Variants in ADAMTSL1 observed in about 807,000 individuals in gnomAD.
ADAMTSL1 encodes the protein ADAMTS like 1.
ADAMTSL1 carries 126 observed loss-of-function variants against 201.8 expected under a neutral mutation model. That is an observed-to-expected ratio of 0.62 (90% confidence interval 0.54 to 0.72). ADAMTSL1 has a LOEUF of 0.72. Ranked by LOEUF, ADAMTSL1 falls within the 30% of genes least tolerant of loss-of-function variation. The probability of loss-of-function intolerance (pLI) is 0.00; values close to 1 mark genes in which losing one functional copy is unlikely to be tolerated. For missense variants in ADAMTSL1, 2,679 were observed against 2,277.8 expected (o/e 1.18, Z -3.59); for synonymous variants, 1,121 against 903.4 (o/e 1.24, Z -4.32).
At position 18,108,196 on chromosome 9, in the gene ADAMTSL1, ATT is replaced by A. The variant is rs5896770; in HGVS notation, c.88-55645_88-55644del. 6.6e-3 allele frequency among the ~76,000 whole-genome samples: 833 copies of A among 125,490 alleles called. 6 individuals carry two copies. Among genetic ancestry groups the A allele is most frequent in the African/African-American group, 0.013 (423 of 33,428 alleles). 82.3% of individuals were successfully genotyped at this position (125,490 alleles called of 152,430 possible). ...TAACTCTTAAAAGCAAGAGTGTGGA[ATT>A]TTTTTTTTTTTTTTTTTTTTGAAAC... On this transcript the variant is annotated intron_variant, in intron 1 of 29. Transcript: ENST00000680146.
At position 18,740,478 on chromosome 9, in the gene ADAMTSL1, C is replaced by CTT. The variant is rs11449360; in HGVS notation, c.2007-12804_2007-12803dup. 3.5e-3 allele frequency among the ~76,000 whole-genome samples: 367 copies of CTT among 105,638 alleles called. 9 individuals are homozygous for CTT. The highest frequency in any genetic ancestry group is 4.2e-3 in the African/African-American group (114 of 27,388). 69.3% of individuals were successfully genotyped at this position (105,638 alleles called of 152,430 possible). ...CTTTCTTTTTTTTTTTTTCTTTTAT[C>CTT]TTTTTTTTTTTTTTTTTGAGAGGAG... On this transcript the variant is annotated intron_variant, in intron 15 of 28. Transcript: ENST00000380548.
At chr9:18,291,050 G>C (rs1833239624) in intron 2 of ADAMTSL1, among the ~76,000 whole-genome samples, 1 of 152,036 alleles carries the variant, frequency 6.6e-6, no homozygotes, top group South Asian at 2.1e-4. Flanking sequence ...CAAAGTGCTG[G>C]GATTACAGGC....
intron 23 of ADAMTSL1, among the ~76,000 whole-genome samples, chr9:18,840,623 T>G (rs201455557): frequency 1.3e-5 from 2 of 152,176 alleles, no homozygotes; most frequent in Non-Finnish European, 1.5e-5. Flanking sequence ...AAATTACCTT[T>G]GGCAGTATGG....
chr9:18,813,514 T>A (rs1037330591), intron 20 of ADAMTSL1, among the ~76,000 whole-genome samples: 8 of 152,262 alleles, frequency 5.3e-5, no homozygotes, highest in African/African-American at 1.9e-4. Context: ...CAATGTTTTA[T>A]ACTTTTCAGT....
At chr9:18,640,032 G>T (rs1388496243) in intron 7 of ADAMTSL1, among the ~76,000 whole-genome samples, 1 of 152,140 alleles carries the variant, frequency 6.6e-6, no homozygotes, top group Non-Finnish European at 1.5e-5. Flanking sequence ...GATTTCAGCT[G>T]TAAAGCTGTA....
intron 1 of ADAMTSL1, among the ~76,000 whole-genome samples, chr9:17,928,751 A>C (rs201815379): frequency 6.6e-6 from 1 of 152,180 alleles, no homozygotes; most frequent in East Asian, 1.9e-4. Context: ...CTCTAACAAG[A>C]ACAAGCAAAT....
intron 1 of ADAMTSL1, among the ~76,000 whole-genome samples, chr9:18,070,811 C>T (rs1822931059): frequency 6.6e-6 from 1 of 152,096 alleles, no homozygotes; most frequent in African/African-American, 2.4e-5. Context: ...GGATGGGCTG[C>T]TGAACAGCAT....
chr9:17,958,690 A>T (rs1222433396), intron 1 of ADAMTSL1, among the ~76,000 whole-genome samples: 1 of 152,216 alleles, frequency 6.6e-6, no homozygotes, highest in Non-Finnish European at 1.5e-5. Context: ...GGATTTGTGT[A>T]TTAAAACCAA....
intron 4 of ADAMTSL1, among the ~76,000 whole-genome samples, chr9:18,615,391 C>T (rs1337908181): frequency 6.6e-6 from 1 of 152,198 alleles, no homozygotes; most frequent in Admixed American, 6.5e-5. Context: ...GCTATATGTG[C>T]TTCTGAGGCA....
At chr9:18,858,293 C>G (rs1254615895) in intron 23 of ADAMTSL1, among the ~76,000 whole-genome samples, 1 of 152,094 alleles carries the variant, frequency 6.6e-6, no homozygotes, top group East Asian at 1.9e-4. Flanking sequence ...CATTGCTGCC[C>G]CCACCCCCAC....
intron 2 of ADAMTSL1, among the ~76,000 whole-genome samples, chr9:18,202,987 T>C (rs1829510353): frequency 6.6e-6 from 1 of 151,752 alleles, no homozygotes; most frequent in African/African-American, 2.4e-5. Context: ...CAAACTCAAT[T>C]CTCATGGGCC....
intron 1 of ADAMTSL1, among the ~76,000 whole-genome samples, chr9:17,957,036 C>A (rs753083590): frequency 2.5e-4 from 38 of 152,034 alleles, no homozygotes; most frequent in Non-Finnish European, 5.1e-4. Context: ...AGGATATATA[C>A]ATATTTTCCT....
At chr9:18,324,177 T>G (rs915530618) in intron 2 of ADAMTSL1, among the ~76,000 whole-genome samples, 1 of 152,186 alleles carries the variant, frequency 6.6e-6, no homozygotes, top group Admixed American at 6.5e-5. Flanking sequence ...TATATTTACT[T>G]TTTACAAAAT....
At chr9:17,965,604 C>T (rs1007659735) in intron 1 of ADAMTSL1, among the ~76,000 whole-genome samples, 2 of 152,106 alleles carry the variant, frequency 1.3e-5, no homozygotes, top group African/African-American at 4.8e-5. Context: ...TCTGTGGTAT[C>T]CTTAAAGAAA....
intron 1 of ADAMTSL1, among the ~76,000 whole-genome samples, chr9:17,981,827 G>A (rs1453456749): frequency 5.3e-5 from 8 of 152,146 alleles, no homozygotes; most frequent in Non-Finnish European, 1.5e-5. Context: ...TGAGGGTGAG[G>A]TGGGGTGAAA....
At chr9:18,626,839 T>TTCTTTCTTTCTTTCTTTC (rs757449217) in intron 5 of ADAMTSL1, among the ~76,000 whole-genome samples, 36 of 133,364 alleles carry the variant, frequency 2.7e-4, no homozygotes, top group African/African-American at 1.0e-3. Context: ...CTTACTTTCT[T>TTCTTTCTTTCTTTCTTTC]TTTCTTTCTT....
intron 2 of ADAMTSL1, among the ~76,000 whole-genome samples, chr9:18,267,779 AACAAAAAC>A (rs1832185838): frequency 1.3e-5 from 2 of 150,326 alleles, no homozygotes; most frequent in Admixed American, 6.8e-5. Flanking sequence ...AAAAAACAAA[AACAAAAAC>A]AAAAAAACCT....
intron 1 of ADAMTSL1, among the ~76,000 whole-genome samples, chr9:17,994,091 T>C (rs1421249260): frequency 8.8e-6 from 1 of 113,080 alleles, no homozygotes; most frequent in East Asian, 2.3e-4. Context: ...AGAATCTCAT[T>C]GTGTGTGTGT....
chr9:18,097,453 A>C (rs1163883957), intron 1 of ADAMTSL1, among the ~76,000 whole-genome samples: 1 of 152,224 alleles, frequency 6.6e-6, no homozygotes, highest in Non-Finnish European at 1.5e-5. Flanking sequence ...TTTCTGGGTC[A>C]TATGGTAACC....
Sources: allele counts gnomAD v4.1 joint callset (sites outside exome capture counted in the v4.1 genomes callset), GRCh38; gene constraint gnomAD v4.1.1; transcripts MANE v1.5; gene names NCBI Gene and HGNC (gene_info 2026-07-23, HGNC 2026-07-21).